FHIT: variants seen among roughly 807,000 people sequenced by gnomAD.
FHIT encodes fragile histidine triad diadenosine triphosphatase.
A neutral mutation model predicts 17.9 loss-of-function variants in FHIT; 19 were observed. The observed-to-expected ratio is 1.06, with a 90% confidence interval of 0.74 to 1.56. The LOEUF (loss-of-function observed/expected upper bound fraction) is 1.56. FHIT is among the 40% of genes most tolerant of loss of function. The pLI is 0.00. For synonymous variants in FHIT, 81 were observed against 69.7 expected (o/e 1.16, Z -0.81); for missense variants, 248 against 189.2 (o/e 1.31, Z -1.82).
At chr3:60,464,006 T>C (rs761017718) in intron 5 of FHIT, among the ~76,000 whole-genome samples, 4 of 152,210 alleles carry the variant, frequency 2.6e-5, no homozygotes, top group Non-Finnish European at 5.9e-5. Flanking sequence ...GAAGAACATG[T>C]AATTTGCCCT....
At chr3:60,259,053 TA>T (rs373077800) in intron 5 of FHIT, among the ~76,000 whole-genome samples, 1,570 of 140,828 alleles carry the variant, frequency 0.011, 4 homozygotes, top group African/African-American at 0.015. Flanking sequence ...CCTATTCAGT[TA>T]AAAAAAAAAA....
intron 3 of FHIT, among the ~76,000 whole-genome samples, chr3:61,009,758 G>C (rs2031682863): frequency 6.6e-6 from 1 of 152,166 alleles, no homozygotes; most frequent in African/African-American, 2.4e-5. Context: ...TACATATCCT[G>C]TCTGATGGAA....
chr3:60,232,235 G>A (rs1318703907), intron 5 of FHIT, among the ~76,000 whole-genome samples: 1 of 152,136 alleles, frequency 6.6e-6, no homozygotes, highest in Non-Finnish European at 1.5e-5. Flanking sequence ...CTCTACACAT[G>A]GTAGGGTGAT....
intron 4 of FHIT, among the ~76,000 whole-genome samples, chr3:60,607,453 C>G (rs575733492): frequency 2.0e-5 from 3 of 151,254 alleles, no homozygotes; most frequent in Non-Finnish European, 2.9e-5. Context: ...TAGTCTGCCA[C>G]TAATTAAAAG....
intron 5 of FHIT, among the ~76,000 whole-genome samples, chr3:60,520,494 A>G (rs569427514): frequency 6.6e-6 from 1 of 152,296 alleles, no homozygotes; most frequent in Admixed American, 6.5e-5. Context: ...TTGAAACTAA[A>G]TAAAAGAGAA....
At chr3:60,581,634 A>G (rs1485486496) in intron 4 of FHIT, among the ~76,000 whole-genome samples, 2 of 152,134 alleles carry the variant, frequency 1.3e-5, no homozygotes, top group Non-Finnish European at 2.9e-5. Flanking sequence ...TAAAAGCAAC[A>G]TGTATATGCA....
At chr3:60,279,261 T>C (rs1707312887) in intron 5 of FHIT, among the ~76,000 whole-genome samples, 1 of 152,114 alleles carries the variant, frequency 6.6e-6, no homozygotes, top group African/African-American at 2.4e-5. Flanking sequence ...GATGAACAAC[T>C]CTGTGATCTC....
intron 8 of FHIT, among the ~76,000 whole-genome samples, chr3:59,880,165 T>C (rs891728749): frequency 6.6e-6 from 1 of 152,204 alleles, no homozygotes; most frequent in Non-Finnish European, 1.5e-5. Flanking sequence ...ATAGCCACAG[T>C]TGGTCTCCTG....
chr3:61,058,400 G>A (rs1575933528), intron 2 of FHIT, among the ~76,000 whole-genome samples: 1 of 152,136 alleles, frequency 6.6e-6, no homozygotes, highest in African/African-American at 2.4e-5. Flanking sequence ...TCCTAAGGAG[G>A]AAAGATATGA....
At chr3:60,199,427 G>C (rs1217000951) in intron 5 of FHIT, among the ~76,000 whole-genome samples, 1 of 152,060 alleles carries the variant, frequency 6.6e-6, no homozygotes, top group Non-Finnish European at 1.5e-5. Context: ...TTCTGGATTG[G>C]GAGCCTTTGG....
intron 2 of FHIT, among the ~76,000 whole-genome samples, chr3:61,127,831 C>G (rs1270700034): frequency 1.3e-5 from 2 of 152,052 alleles, no homozygotes; most frequent in Non-Finnish European, 2.9e-5. Flanking sequence ...GATCATGCCA[C>G]TGCACTCCAG....
At chr3:61,235,964 T>C (rs2040220475) in intron 1 of FHIT, among the ~76,000 whole-genome samples, 5 of 151,900 alleles carry the variant, frequency 3.3e-5, no homozygotes, top group Non-Finnish European at 7.4e-5. Context: ...ATGTCATTAG[T>C]GCTTAATATG....
At chr3:59,900,275 C>T (rs560172753) in intron 8 of FHIT, among the ~76,000 whole-genome samples, 3 of 152,288 alleles carry the variant, frequency 2.0e-5, no homozygotes, top group South Asian at 2.1e-4. Flanking sequence ...GCCTCTCTTT[C>T]CCATGAATGG....
chr3:59,778,851 T>A (rs1702447949), intron 8 of FHIT, among the ~76,000 whole-genome samples: 1 of 152,224 alleles, frequency 6.6e-6, no homozygotes. Flanking sequence ...TGAGTGGACC[T>A]GGAGCTGCTG....
intron 3 of FHIT, among the ~76,000 whole-genome samples, chr3:60,980,291 C>T (rs1575789059): frequency 6.6e-6 from 1 of 152,078 alleles, no homozygotes; most frequent in East Asian, 1.9e-4. Context: ...GAGTAACTGA[C>T]GTAGCTGAAG....
chr3:60,202,997 A>G (rs1355875173), intron 5 of FHIT, among the ~76,000 whole-genome samples: 5 of 133,054 alleles, frequency 3.8e-5, no homozygotes, highest in Admixed American at 2.1e-4. Context: ...TTGACACATT[A>G]CAGTTAAAAA....
intron 5 of FHIT, among the ~76,000 whole-genome samples, chr3:60,490,645 A>G (rs1262462178): frequency 6.6e-6 from 1 of 150,512 alleles, no homozygotes; most frequent in East Asian, 2.0e-4. Context: ...CAGTAATTTC[A>G]TTATCATGTC....
intron 2 of FHIT, among the ~76,000 whole-genome samples, chr3:61,115,168 C>T (rs1277947498): frequency 2.6e-5 from 4 of 151,994 alleles, no homozygotes; most frequent in Non-Finnish European, 5.9e-5. Flanking sequence ...GAATCCACAG[C>T]CTAGTGAAAG....
At position 60,820,707 on chromosome 3, in the gene FHIT, T is replaced by C. The variant is rs567628948; in HGVS notation, c.-18+1212A>G. ...ACATTGTAAAGTGGATACAGGAAAC[T>C]GGGACTTAACCGGAAGCAGGAAAAG... On this transcript the variant is annotated intron_variant, in intron 4 of 9. Coordinates refer to ENST00000492590, the MANE Select transcript of FHIT (RefSeq NM_002012.4). 2.0e-5 allele frequency among the ~76,000 whole-genome samples: 3 copies of C among 152,322 alleles called. No individual in the cohort carries two copies. The East Asian group carries it at 5.8e-4, about 29-fold the overall frequency.
Sources: gnomAD v4.1 joint callset for allele counts (sites outside exome capture counted in the v4.1 genomes callset) on GRCh38, gnomAD v4.1.1 for gene constraint, MANE v1.5 for transcripts, NCBI Gene and HGNC (gene_info 2026-07-23, HGNC 2026-07-21) for gene names.